SFTPD: variants seen among roughly 807,000 people sequenced by gnomAD.
The protein encoded by SFTPD is surfactant protein D.
SFTPD carries 18 observed loss-of-function variants against 34.6 expected under a neutral mutation model. The observed-to-expected ratio is 0.52, with a 90% CI of 0.36 to 0.77. The LOEUF is 0.77. SFTPD is among the 30% of genes least tolerant of loss of function. The probability of loss-of-function intolerance (pLI) is 0.00; values close to 1 mark genes in which losing one functional copy is unlikely to be tolerated. For synonymous variants in SFTPD, 155 were observed against 180.9 expected (o/e 0.86, Z 1.15); for missense variants, 433 against 468.9 (o/e 0.92, Z 0.71).
At chr10:79,939,552 C>T (rs1313119703) in intron 7 of SFTPD, among the ~76,000 whole-genome samples, 1 of 152,076 alleles carries the variant, frequency 6.6e-6, no homozygotes. Flanking sequence ...CATATGAGCT[C>T]ATGTATGTAG....
chr10:79,969,772 G>A (rs1230839784), intron 1 of SFTPD: 3 of 152,056 alleles, frequency 2.0e-5, no homozygotes, highest in South Asian at 2.1e-4. Flanking sequence ...GAGTATTTGA[G>A]TTCCTTATAT....
At chr10:79,947,904 GA>G (rs1321950615) in intron 1 of SFTPD, among the ~76,000 whole-genome samples, 10 of 152,204 alleles carry the variant, frequency 6.6e-5, no homozygotes, top group Non-Finnish European at 1.3e-4. Context: ...AAAGTTATGA[GA>G]GTGAAAAGAG....
intron 1 of SFTPD, chr10:79,969,288 A>C (rs971093524): frequency 3.3e-5 from 5 of 152,218 alleles, no homozygotes; most frequent in Admixed American, 1.3e-4. Context: ...AGCCTGACCA[A>C]CATGGTGAAA....
At chr10:79,975,969 A>G (rs1022436743) in intron 1 of SFTPD, among the ~76,000 whole-genome samples, 1 of 152,098 alleles carries the variant, frequency 6.6e-6, no homozygotes, top group African/African-American at 2.4e-5. Flanking sequence ...TAAACCCACA[A>G]CCTTCCAGCG....
chr10:79,960,261 T>G (rs1233568748), intron 1 of SFTPD, among the ~76,000 whole-genome samples: 1 of 139,912 alleles, frequency 7.1e-6, no homozygotes, highest in African/African-American at 2.7e-5. Flanking sequence ...CTCTCACCAC[T>G]CCTATTCAAC....
At chr10:79,977,854 AG>A (rs1031855694) in intron 1 of SFTPD, among the ~76,000 whole-genome samples, 2 of 150,868 alleles carry the variant, frequency 1.3e-5, no homozygotes, top group Admixed American at 6.6e-5. Context: ...TTCAATTTTG[AG>A]GAAAGTTTTA....
intron 1 of SFTPD, among the ~76,000 whole-genome samples, chr10:79,962,906 T>G (rs572220866): frequency 6.6e-6 from 1 of 152,314 alleles, no homozygotes; most frequent in East Asian, 1.9e-4. Context: ...AAGTTGACTC[T>G]TTCAGGTTTT....
intron 1 of SFTPD, among the ~76,000 whole-genome samples, chr10:79,954,793 C>A (rs1842729449): frequency 6.6e-6 from 1 of 152,168 alleles, no homozygotes; most frequent in Admixed American, 6.5e-5. Flanking sequence ...AGGAGAAAAG[C>A]TGAGTGTTGG....
chr10:79,955,604 T>G (rs527652342), intron 1 of SFTPD, among the ~76,000 whole-genome samples: 1 of 152,344 alleles, frequency 6.6e-6, no homozygotes, highest in East Asian at 1.9e-4. Flanking sequence ...TGCTATCTGT[T>G]GTTGCAATCT....
At chr10:79,982,143 G>A (rs936813223) in intron 1 of SFTPD, 5 of 362,922 alleles carry the variant, frequency 1.4e-5, no homozygotes, top group African/African-American at 1.1e-4. Context: ...CTCTCCGGGC[G>A]CGCCTGGCGG....
At chr10:79,981,672 C>G (rs1156935490) in intron 1 of SFTPD, among the ~76,000 whole-genome samples, 1 of 152,128 alleles carries the variant, frequency 6.6e-6, no homozygotes, top group African/African-American at 2.4e-5. Context: ...AACTGGGTGG[C>G]TGTGGGAAGA....
At chr10:79,960,646 G>A (rs1310160959) in intron 1 of SFTPD, among the ~76,000 whole-genome samples, 1 of 151,348 alleles carries the variant, frequency 6.6e-6, no homozygotes, top group Admixed American at 6.6e-5. Context: ...AAATAAAAGA[G>A]GATACAAACA....
At chr10:79,971,492 T>G (rs567102068) in intron 1 of SFTPD, 2 of 152,308 alleles carry the variant, frequency 1.3e-5, no homozygotes, top group South Asian at 4.1e-4. Context: ...GTCCTTGGCT[T>G]TTCTTTGATG....
At chr10:79,952,339 T>A (rs1446885566), upstream of SFTPD, among the ~76,000 whole-genome samples, 1 of 152,152 alleles carries the variant, frequency 6.6e-6, no homozygotes, top group African/African-American at 2.4e-5. Flanking sequence ...CAGCCAACGG[T>A]CTATCTGGAG....
intron 1 of SFTPD, among the ~76,000 whole-genome samples, chr10:79,961,125 C>G (rs1842769946): frequency 6.6e-6 from 1 of 152,154 alleles, no homozygotes; most frequent in Non-Finnish European, 1.5e-5. Flanking sequence ...CCCTTCCTTA[C>G]ACCTTATACA....
chr10:79,975,054 T>TGG (rs200104573), intron 1 of SFTPD, among the ~76,000 whole-genome samples: 2 of 152,052 alleles, frequency 1.3e-5, no homozygotes, highest in African/African-American at 2.4e-5. Context: ...CCTGTTGATC[T>TGG]GGGGGGGTGT....
chr10:79,972,304 C>T (rs11200974), intron 1 of SFTPD: 11,883 of 152,314 alleles, frequency 0.078, 911 homozygotes, highest in East Asian at 0.39. Context: ...TCAAGACCAG[C>T]CTGACCAACA....
At chr10:79,961,191 C>T (rs1254260978) in intron 1 of SFTPD, among the ~76,000 whole-genome samples, 1 of 152,162 alleles carries the variant, frequency 6.6e-6, no homozygotes, top group African/African-American at 2.4e-5. Flanking sequence ...ACCATAAAAA[C>T]CCTAGAAGAA....
At chr10:79,955,895 T>C (rs2132510068) in intron 1 of SFTPD, among the ~76,000 whole-genome samples, 1 of 152,356 alleles carries the variant, frequency 6.6e-6, no homozygotes, top group South Asian at 2.1e-4. Flanking sequence ...TTCTGTCTCC[T>C]GCATCATTTG....
Sources: allele counts gnomAD v4.1 joint callset (sites outside exome capture counted in the v4.1 genomes callset), GRCh38; gene constraint gnomAD v4.1.1; transcripts MANE v1.5; gene names NCBI Gene and HGNC (gene_info 2026-07-23, HGNC 2026-07-21).